The following GRID2 variants were observed in gnomAD, a reference collection of about 807,000 sequenced individuals.
GRID2 encodes the protein glutamate receptor ionotropic, delta-2.
A neutral mutation model predicts 114.8 loss-of-function variants in GRID2; 33 were observed. The ratio of observed to expected loss-of-function variants is 0.29; its 90% CI spans 0.22 to 0.38. The LOEUF (loss-of-function observed/expected upper bound fraction) is 0.38. GRID2 is among the 10% of genes least tolerant of loss of function. The probability of loss-of-function intolerance (pLI) is 1.00; values close to 1 mark genes in which losing one functional copy is unlikely to be tolerated. For synonymous variants in GRID2, 505 were observed against 449.9 expected (o/e 1.12, Z -1.55); for missense variants, 1,184 against 1,257.7 (o/e 0.94, Z 0.89).
intron 1 of GRID2, among the ~76,000 whole-genome samples, chr4:93,797,141 G>T (rs1047922884): frequency 6.6e-6 from 1 of 152,114 alleles, no homozygotes; most frequent in Non-Finnish European, 1.5e-5. Context: ...CAAAAATGTG[G>T]TATTATAATC....
chr4:92,354,605 T>C (rs938283194), intron 1 of GRID2, among the ~76,000 whole-genome samples: 1 of 151,982 alleles, frequency 6.6e-6, no homozygotes, highest in Admixed American at 6.6e-5. Context: ...GTAGTAAATA[T>C]GAATTAGTTT....
At chr4:93,420,431 C>T (rs949090762) in intron 9 of GRID2, among the ~76,000 whole-genome samples, 15 of 152,162 alleles carry the variant, frequency 9.9e-5, no homozygotes, top group East Asian at 3.9e-4. Context: ...AATGAGATGT[C>T]GCAAATTCTG....
chr4:93,689,882 AC>A (rs1174376931), intron 14 of GRID2, among the ~76,000 whole-genome samples: 2 of 152,102 alleles, frequency 1.3e-5, no homozygotes, highest in Admixed American at 6.6e-5. Flanking sequence ...CAAAAATCTA[AC>A]TAAACATTAC....
At chr4:93,237,684 AAGAG>A (rs1283835781) in intron 7 of GRID2, among the ~76,000 whole-genome samples, 1 of 151,894 alleles carries the variant, frequency 6.6e-6, no homozygotes, top group African/African-American at 2.4e-5. Flanking sequence ...ATAAACAAGA[AAGAG>A]AGAAGTATGA....
intron 1 of GRID2, among the ~76,000 whole-genome samples, chr4:92,370,252 A>C (rs898042634): frequency 6.6e-6 from 1 of 152,180 alleles, no homozygotes. Context: ...TAAGATGATA[A>C]ACTTAATAAA....
At chr4:93,429,506 G>A (rs956808570) in intron 10 of GRID2, among the ~76,000 whole-genome samples, 6 of 152,068 alleles carry the variant, frequency 3.9e-5, no homozygotes, top group African/African-American at 1.2e-4. Context: ...ATGACTGGTC[G>A]TTTTGGATTT....
chr4:92,406,325 C>A (rs1278824794), intron 1 of GRID2, among the ~76,000 whole-genome samples: 2 of 152,074 alleles, frequency 1.3e-5, no homozygotes, highest in Non-Finnish European at 2.9e-5. Flanking sequence ...AAATTTTAGG[C>A]CTTTAGTTTT....
chr4:92,912,108 A>C (rs1471356847), intron 2 of GRID2, among the ~76,000 whole-genome samples: 2 of 151,908 alleles, frequency 1.3e-5, no homozygotes, highest in Non-Finnish European at 2.9e-5. Flanking sequence ...TGCTGAAGAC[A>C]AAACACTTTC....
At chr4:92,706,661 T>C (rs1734972512) in intron 2 of GRID2, among the ~76,000 whole-genome samples, 1 of 152,202 alleles carries the variant, frequency 6.6e-6, no homozygotes, top group African/African-American at 2.4e-5. Flanking sequence ...TAAAGAATTG[T>C]TCTGCCTCCA....
chr4:92,578,640 G>A (rs1263130983), intron 1 of GRID2, among the ~76,000 whole-genome samples: 1 of 152,030 alleles, frequency 6.6e-6, no homozygotes, highest in Non-Finnish European at 1.5e-5. Context: ...CAGTCACTCT[G>A]GAGGCTGAGG....
At chr4:92,491,610 T>C (rs2149113978) in intron 1 of GRID2, among the ~76,000 whole-genome samples, 1 of 152,268 alleles carries the variant, frequency 6.6e-6, no homozygotes, top group Non-Finnish European at 1.5e-5. Context: ...TTTTTTTCAT[T>C]GTCATGTTTC....
At chr4:92,758,598 G>A (rs528835346) in intron 2 of GRID2, among the ~76,000 whole-genome samples, 4 of 151,990 alleles carry the variant, frequency 2.6e-5, no homozygotes, top group South Asian at 2.1e-4. Context: ...CCTGAACTCC[G>A]CTGCTGATTA....
At chr4:93,567,987 A>T (rs1735592062) in intron 13 of GRID2, among the ~76,000 whole-genome samples, 1 of 152,212 alleles carries the variant, frequency 6.6e-6, no homozygotes. Flanking sequence ...CACTTATGAA[A>T]TCCTTTATTT....
intron 2 of GRID2, among the ~76,000 whole-genome samples, chr4:92,730,005 T>C (rs1736257227): frequency 6.6e-6 from 1 of 151,996 alleles, no homozygotes; most frequent in Non-Finnish European, 1.5e-5. Context: ...ATATGTGTTA[T>C]CATTTATGCC....
At chr4:92,335,838 A>T (rs1328387003) in intron 1 of GRID2, among the ~76,000 whole-genome samples, 1 of 152,186 alleles carries the variant, frequency 6.6e-6, no homozygotes, top group African/African-American at 2.4e-5. Context: ...GATTCCAAGC[A>T]TTGGTTTATC....
intron 8 of GRID2, among the ~76,000 whole-genome samples, chr4:93,385,689 T>C (rs1764247600): frequency 6.6e-6 from 1 of 151,422 alleles, no homozygotes; most frequent in Non-Finnish European, 1.5e-5. Context: ...TCAATGTTTA[T>C]ATATTTTACA....
intron 8 of GRID2, among the ~76,000 whole-genome samples, chr4:93,270,006 G>A (rs1258596044): frequency 6.6e-6 from 1 of 152,068 alleles, no homozygotes; most frequent in Admixed American, 6.6e-5. Context: ...GGATGCTGAA[G>A]TGTTCAGTTT....
At chr4:93,580,034 T>C (rs1288255541) in intron 13 of GRID2, among the ~76,000 whole-genome samples, 2 of 152,234 alleles carry the variant, frequency 1.3e-5, no homozygotes, top group Non-Finnish European at 2.9e-5. Context: ...ATCTCTGATA[T>C]TTCATCTGTA....
intron 2 of GRID2, among the ~76,000 whole-genome samples, chr4:92,619,522 G>C (rs1560493328): frequency 6.6e-6 from 1 of 151,484 alleles, no homozygotes; most frequent in Non-Finnish European, 1.5e-5. Context: ...GGCCTTCCTT[G>C]ATTTTTTTAA....
Sources: gnomAD v4.1 joint callset for allele counts (sites outside exome capture counted in the v4.1 genomes callset) on GRCh38, gnomAD v4.1.1 for gene constraint, MANE v1.5 for transcripts, NCBI Gene and HGNC (gene_info 2026-07-23, HGNC 2026-07-21) for gene names.